CREBRF: variants seen among roughly 807,000 people sequenced by gnomAD.
CREBRF encodes the protein UPF0474 protein C5orf41.
In CREBRF, 5 loss-of-function variants were observed where a neutral mutation model predicts 66.1. The observed-to-expected ratio is 0.08, with a 90% CI of 0.04 to 0.16. CREBRF has a LOEUF of 0.16. Ranked by LOEUF, CREBRF falls within the 10% of genes least tolerant of loss-of-function variation. CREBRF has a pLI of 1.00. For synonymous variants in CREBRF, 229 were observed against 264.4 expected (o/e 0.87, Z 1.30); for missense variants, 531 against 744.9 (o/e 0.71, Z 3.34).
intron 8 of CREBRF, chr5:173,123,911 C>G (rs771078103): frequency 7.2e-5 from 11 of 152,182 alleles, no homozygotes; most frequent in African/African-American, 2.4e-4. Flanking sequence ...TCACTTACCT[C>G]CTGCTTCCAT....
intron 7 of CREBRF, among the ~76,000 whole-genome samples, chr5:173,115,754 G>A (rs766116598): frequency 2.0e-5 from 3 of 152,012 alleles, no homozygotes; most frequent in Non-Finnish European, 2.9e-5. Context: ...ACAGGCACCC[G>A]CCACCACGCC....
intron 8 of CREBRF, among the ~76,000 whole-genome samples, chr5:173,126,067 C>T (rs1487932088): frequency 1.3e-5 from 2 of 152,122 alleles, no homozygotes; most frequent in Non-Finnish European, 2.9e-5. Flanking sequence ...CTGCTTCCCT[C>T]CCTCATTTTA....
chr5:173,069,401 G>C (rs1337174871), intron 1 of CREBRF, among the ~76,000 whole-genome samples: 1 of 151,662 alleles, frequency 6.6e-6, no homozygotes, highest in African/African-American at 2.4e-5. Context: ...GTGCAGTGCC[G>C]CAATCTCTAC....
chr5:173,126,165 G>C (rs1412383595), intron 8 of CREBRF, among the ~76,000 whole-genome samples: 2 of 152,060 alleles, frequency 1.3e-5, no homozygotes, highest in African/African-American at 4.8e-5. Context: ...TTTTGAGACA[G>C]AGTCTCACTC....
At chr5:173,116,374 G>T (rs979994034) in intron 7 of CREBRF, among the ~76,000 whole-genome samples, 2 of 152,108 alleles carry the variant, frequency 1.3e-5, no homozygotes, top group Non-Finnish European at 2.9e-5. Context: ...GTGCCCCTTT[G>T]TAAGTCATTC....
chr5:173,069,604 G>C (rs1757540708), intron 1 of CREBRF, among the ~76,000 whole-genome samples: 1 of 152,010 alleles, frequency 6.6e-6, no homozygotes, highest in Non-Finnish European at 1.5e-5. Context: ...TTACAGGCGT[G>C]AGCCACCATG....
chr5:173,085,881 G>T, intron 2 of CREBRF: 1 of 826,308 alleles, frequency 1.2e-6, no homozygotes, highest in Non-Finnish European at 2.2e-6. Flanking sequence ...AGATCAGTTT[G>T]GGTCCCAACA....
intron 5 of CREBRF, chr5:173,109,040 CATT>C (rs1758812701): frequency 4.2e-6 from 2 of 475,062 alleles, no homozygotes; most frequent in Admixed American, 4.0e-5. Flanking sequence ...ACTGTGTAAA[CATT>C]ATTTCATTTC....
At chr5:173,071,869 A>G (rs1757608905) in intron 1 of CREBRF, among the ~76,000 whole-genome samples, 1 of 151,580 alleles carries the variant, frequency 6.6e-6, no homozygotes, top group Admixed American at 6.6e-5. Flanking sequence ...AGCCTGGGTA[A>G]CATGTTGAAA....
At chr5:173,112,476 C>A in intron 7 of CREBRF, 97 bp downstream of exon 7, 1 of 842,472 alleles carries the variant, frequency 1.2e-6, no homozygotes, top group Non-Finnish European at 1.9e-6. Flanking sequence ...CTGTATTCTG[C>A]CTAGTTTTTG....
chr5:173,059,169 A>G (rs752935740), intron 1 of CREBRF, among the ~76,000 whole-genome samples: 5 of 151,830 alleles, frequency 3.3e-5, no homozygotes, highest in Non-Finnish European at 7.4e-5. Flanking sequence ...TAAAAACGTA[A>G]TCCCTGATTA....
chr5:173,129,324 G>C (rs1759354074), intron 8 of CREBRF, among the ~76,000 whole-genome samples: 1 of 149,600 alleles, frequency 6.7e-6, no homozygotes, highest in African/African-American at 2.5e-5. Flanking sequence ...CACCGTGTCA[G>C]CCAGGATGGT....
intron 7 of CREBRF, among the ~76,000 whole-genome samples, chr5:173,120,404 G>A (rs1386785464): frequency 6.7e-6 from 1 of 148,964 alleles, no homozygotes; most frequent in Non-Finnish European, 1.5e-5. Flanking sequence ...TTTTGAGACA[G>A]TATCTCACTC....
intron 2 of CREBRF, among the ~76,000 whole-genome samples, chr5:173,082,021 T>TTTTTTGTTTG (rs1333790232): frequency 2.2e-5 from 3 of 134,460 alleles, no homozygotes; most frequent in Admixed American, 7.4e-5. Context: ...TTTTTTTTTT[T>TTTTTTGTTTG]TTTTTTTTTT....
chr5:173,116,212 A>C (rs1758985378), intron 7 of CREBRF, among the ~76,000 whole-genome samples: 1 of 152,258 alleles, frequency 6.6e-6, no homozygotes, highest in South Asian at 2.1e-4. Context: ...TGCTGAAATA[A>C]AAAATGTGTT....
In CREBRF at chr5:173,135,508, T is replaced by G. The variant is rs1372443743; in HGVS notation, c.*1763T>G. 1 of 152,328 alleles carries G rather than the reference T, an allele frequency of 6.6e-6. No homozygotes were observed. The highest frequency in any genetic ancestry group is 1.9e-4 in the East Asian group (1 of 5,204). The allele number at this position is 152,328 out of a possible 1,614,324, so 9.4% of individuals were successfully genotyped here. A position where few individuals can be genotyped will look rare whatever the true frequency, so the allele number is the denominator to read the frequency against. ...GCTTTGAACTCTGAAAACTGGTGGC[T>G]TAAAAACTAAAAAAAGAAAAAAAGC... On this transcript the variant is annotated 3_prime_UTR_variant, in exon 9 of 9. Coordinates refer to ENST00000296953, the MANE Select transcript of CREBRF (RefSeq NM_153607.3).
chr5:173,091,028 A>C lies in CREBRF; in HGVS notation c.849A>C (p.Gln283His). The C allele has an allele frequency of 6.2e-7, 1 of 1,614,200 alleles. No individual in the cohort carries two copies. The highest frequency in any genetic ancestry group is 8.5e-7 in the Non-Finnish European group (1 of 1,180,028). The change falls in exon 4 of 9, where the codon CAA becomes CAC. Residue 283 changes from glutamine to histidine, a missense_variant. Coordinates refer to ENST00000296953, the MANE Select transcript of CREBRF (RefSeq NM_153607.3). ...AGAAAAAAGGGATGGAGCCTCTTCA[A>C]GGTCATGCCACTCCCGCTTTGCCTT... is the stretch of plus-strand genomic sequence containing the variant. ...RQEKKGMEPL[Q>H]GHATPALPFK... is the part of the protein sequence containing the mutation.
At chr5:173,112,545 T>G (rs922156748) in intron 7 of CREBRF, among the ~76,000 whole-genome samples, 166 bp downstream of exon 7, 1 of 152,220 alleles carries the variant, frequency 6.6e-6, no homozygotes, top group African/African-American at 2.4e-5. Flanking sequence ...CCTTCAGTCT[T>G]GTCCACCTTT....
rs189873744 is a variant in CREBRF, at chr5:173,076,552, A to G, written c.-191-4033A>G. Among the ~76,000 whole-genome samples the G allele has an allele frequency of 3.3e-3, 502 of 152,172 alleles. 2 individuals are homozygous for G. The highest frequency in any genetic ancestry group is 0.011 in the African/African-American group (465 of 41,528). On this transcript the variant is annotated intron_variant, in intron 1 of 8. Transcript: ENST00000296953. Reference sequence around the variant, plus strand: ...GATCACCTGAGGTCAGGAGTTTGAGACCAGCCTGGCCAACATGGTGAAAAC... The same window carrying G: ...GATCACCTGAGGTCAGGAGTTTGAGGCCAGCCTGGCCAACATGGTGAAAAC...
Sources: allele counts gnomAD v4.1 joint callset (sites outside exome capture counted in the v4.1 genomes callset), GRCh38; gene constraint gnomAD v4.1.1; transcripts MANE v1.5; gene names NCBI Gene and HGNC (gene_info 2026-07-23, HGNC 2026-07-21).